The following COL25A1 variants were observed in gnomAD, a reference collection of about 807,000 sequenced individuals.
COL25A1 encodes collagen type XXV alpha 1 chain.
In COL25A1, 103 loss-of-function variants were observed where a neutral mutation model predicts 128.4. That is an observed-to-expected ratio of 0.80 (90% confidence interval 0.68 to 0.94). The LOEUF (loss-of-function observed/expected upper bound fraction) is 0.94, where lower values mean the gene tolerates loss of function less well. Ranked by LOEUF, COL25A1 falls within the 40% of genes least tolerant of loss-of-function variation. The pLI is 0.00. For missense variants in COL25A1, 745 were observed against 840.0 expected, an observed-to-expected ratio of 0.89 and a Z score of 1.40; for synonymous variants, 279 against 277.2, an observed-to-expected ratio of 1.01 and a Z score of -0.06.
At chr4:108,853,331 C>A (rs1488016829) in intron 24 of COL25A1, among the ~76,000 whole-genome samples, 1 of 151,934 alleles carries the variant, frequency 6.6e-6, no homozygotes, top group Non-Finnish European at 1.5e-5. Context: ...TATTTTTTCT[C>A]TTTTAGTCTG....
At chr4:109,048,670 T>G (rs1051893037) in intron 4 of COL25A1, among the ~76,000 whole-genome samples, 1 of 152,176 alleles carries the variant, frequency 6.6e-6, no homozygotes, top group Non-Finnish European at 1.5e-5. Flanking sequence ...GTAAGTTTCT[T>G]TAAAACCATC....
At chr4:109,084,860 T>C (rs1764216680) in intron 3 of COL25A1, among the ~76,000 whole-genome samples, 1 of 152,236 alleles carries the variant, frequency 6.6e-6, no homozygotes, top group African/African-American at 2.4e-5. Context: ...CTCCTTTGTT[T>C]TTGTTTTTTC....
intron 30 of COL25A1, among the ~76,000 whole-genome samples, chr4:108,842,813 C>A (rs892919842): frequency 1.3e-4 from 19 of 151,974 alleles, no homozygotes; most frequent in African/African-American, 4.1e-4. Context: ...CAAAAGTATG[C>A]CATTTGCTTA....
chr4:109,110,534 T>A (rs1483810510), intron 3 of COL25A1, among the ~76,000 whole-genome samples: 1 of 152,124 alleles, frequency 6.6e-6, no homozygotes, highest in East Asian at 1.9e-4. Context: ...TAGTTTGAGC[T>A]CTCATATCAC....
intron 3 of COL25A1, among the ~76,000 whole-genome samples, chr4:109,068,445 G>A (rs909856532): frequency 3.9e-5 from 6 of 151,972 alleles, no homozygotes; most frequent in Non-Finnish European, 8.8e-5. Flanking sequence ...GGGAAGAGGA[G>A]GGAGGTAGGG....
intron 5 of COL25A1, among the ~76,000 whole-genome samples, chr4:109,030,719 G>A (rs1758767894): frequency 6.6e-6 from 1 of 152,016 alleles, no homozygotes; most frequent in South Asian, 2.1e-4. Context: ...ACAATGCAAT[G>A]CCTGTTAAAA....
intron 14 of COL25A1, among the ~76,000 whole-genome samples, chr4:108,900,419 T>C (rs1368050078): frequency 6.6e-6 from 1 of 152,182 alleles, no homozygotes; most frequent in Non-Finnish European, 1.5e-5. Flanking sequence ...TGGGTACGAA[T>C]ACACACCAGC....
At chr4:109,193,418 G>T (rs1268841083) in intron 3 of COL25A1, among the ~76,000 whole-genome samples, 4 of 152,174 alleles carry the variant, frequency 2.6e-5, no homozygotes, top group African/African-American at 9.7e-5. Context: ...CTTGATAGAG[G>T]CTGAAGATGA....
chr4:109,078,512 C>G (rs571931224), intron 3 of COL25A1, among the ~76,000 whole-genome samples: 1 of 152,258 alleles, frequency 6.6e-6, no homozygotes, highest in East Asian at 1.9e-4. Context: ...TTTAGAAAAG[C>G]ATGTTTAAAC....
At chr4:109,209,572 A>T (rs1174559937) in intron 3 of COL25A1, among the ~76,000 whole-genome samples, 1 of 152,222 alleles carries the variant, frequency 6.6e-6, no homozygotes, top group East Asian at 1.9e-4. Context: ...ACAGAATTGA[A>T]CATGTTATTA....
intron 11 of COL25A1, among the ~76,000 whole-genome samples, chr4:108,925,837 A>G (rs928082531): frequency 6.6e-6 from 1 of 152,172 alleles, no homozygotes; most frequent in Non-Finnish European, 1.5e-5. Context: ...TTCCATATGA[A>G]TACAGCAAAG....
intron 8 of COL25A1, among the ~76,000 whole-genome samples, chr4:108,961,522 T>C (rs1164237625): frequency 1.3e-5 from 2 of 149,868 alleles, no homozygotes; most frequent in Non-Finnish European, 3.0e-5. Flanking sequence ...TCGCATATGA[T>C]GACAGCATAT....
Position 108,832,427 on chromosome 4 carries a change from C to T in COL25A1, c.1663G>A (p.Asp555Asn). Residue 555 changes from aspartate (D) to asparagine (N), a missense_variant, in exon 32 of 38, where the codon GAT (aspartate) becomes AAT (asparagine). Physicochemically the swap from Asp to Asn is conservative, Grantham distance 23. Around this residue, in one of 3 missense-constraint regions of COL25A1, gnomAD observed 387 missense variants for 441.9 expected, o/e 0.88. Coordinates refer to ENST00000399132, the MANE Select transcript of COL25A1 (RefSeq NM_198721.4). ...PHGLPGPKGT[D>N]GPMGPHGPAG... ...GGGCCATGGGGTCCCATAGGACCAT[C>T]TGTACCCTAAAAAAAAGATAATATG... 1 of 1,602,066 alleles carries T rather than the reference C, an allele frequency of 6.2e-7. No individual in the cohort carries two copies. The highest frequency in any genetic ancestry group is 8.5e-7 in the Non-Finnish European group (1 of 1,172,786).
intron 3 of COL25A1, among the ~76,000 whole-genome samples, chr4:109,254,112 T>C (rs1327755607): frequency 6.6e-6 from 1 of 150,834 alleles, no homozygotes; most frequent in Non-Finnish European, 1.5e-5. Flanking sequence ...AAAAGAATTG[T>C]TTAAAGAACA....
In COL25A1 at chr4:109,116,216, G is replaced by A. The variant is rs1290279723; in HGVS notation, c.368-66037C>T. On this transcript the variant is annotated intron_variant, in intron 3 of 37. Transcript: ENST00000399132. ...CTAGGAGCTCTGCCAGGGGCTCGCA[G>A]TGAATACTGGAGAAAAAGACAGTGA... Among the ~76,000 whole-genome samples, 3 of 152,072 alleles carry A rather than the reference G, an allele frequency of 2.0e-5. No homozygotes were observed. In the East Asian group the frequency reaches 5.8e-4, roughly 29 times the overall value.
intron 20 of COL25A1, among the ~76,000 whole-genome samples, chr4:108,866,710 G>C (rs919699216): frequency 1.3e-5 from 2 of 152,186 alleles, no homozygotes; most frequent in Non-Finnish European, 2.9e-5. Flanking sequence ...GTGTTCAGCT[G>C]AAAGAGATTT....
intron 3 of COL25A1, among the ~76,000 whole-genome samples, chr4:109,056,824 C>A (rs1579224566): frequency 6.6e-6 from 1 of 152,264 alleles, no homozygotes; most frequent in Admixed American, 6.5e-5. Flanking sequence ...GAATATACTT[C>A]TCATTAGGAT....
chr4:108,898,328 G>T (rs28736749), intron 15 of COL25A1, among the ~76,000 whole-genome samples: 5,542 of 151,874 alleles, frequency 0.036, 288 homozygotes, highest in African/African-American at 0.13. Context: ...AATTTTTCTT[G>T]ATCTTTACAT....
chr4:108,999,857 A>T (rs1755175277), intron 6 of COL25A1, among the ~76,000 whole-genome samples: 1 of 152,202 alleles, frequency 6.6e-6, no homozygotes, highest in Non-Finnish European at 1.5e-5. Context: ...TCAGCAAACT[A>T]TCACAAGGAC....
Sources: gnomAD v4.1 joint callset for allele counts (sites outside exome capture counted in the v4.1 genomes callset) on GRCh38, gnomAD v4.1.1 for gene constraint, gnomAD v4.1.1 regional missense constraint, MANE v1.5 for transcripts, NCBI Gene and HGNC (gene_info 2026-07-23, HGNC 2026-07-21) for gene names.